The following RPH3A variants were observed in gnomAD, a reference collection of about 807,000 sequenced individuals.
RPH3A encodes rabphilin-3A.
A neutral mutation model predicts 102.2 loss-of-function variants in RPH3A; 48 were observed. The ratio of observed to expected loss-of-function variants is 0.47; its 90% CI spans 0.37 to 0.60. RPH3A has a LOEUF of 0.60. RPH3A is among the 20% of genes least tolerant of loss of function. The pLI, the probability that RPH3A is intolerant of heterozygous loss-of-function variation, is 0.00. For missense variants in RPH3A, 781 were observed against 910.1 expected, an observed-to-expected ratio of 0.86 and a Z score of 1.83; for synonymous variants, 310 against 324.3, an observed-to-expected ratio of 0.96 and a Z score of 0.47.
intron 1 of RPH3A, among the ~76,000 whole-genome samples, chr12:112,595,267 G>A (rs982143719): frequency 2.0e-5 from 3 of 152,182 alleles, no homozygotes; most frequent in African/African-American, 2.4e-5. Context: ...TCGATGAGCA[G>A]CTTAGATATA....
At chr12:112,728,379 A>G (rs978815884) in intron 1 of RPH3A, among the ~76,000 whole-genome samples, 1 of 151,774 alleles carries the variant, frequency 6.6e-6, no homozygotes, top group Non-Finnish European at 1.5e-5. Flanking sequence ...TTTTTTTCCA[A>G]TTCATCCTTT....
At chr12:112,647,322 T>G (rs1290873352) in intron 1 of RPH3A, among the ~76,000 whole-genome samples, 1 of 152,104 alleles carries the variant, frequency 6.6e-6, no homozygotes, top group Admixed American at 6.5e-5. Flanking sequence ...CCTGAGCGAG[T>G]CTCTCTATGC....
chr12:112,765,962 C>T (rs904001847), intron 1 of RPH3A, among the ~76,000 whole-genome samples: 1 of 152,202 alleles, frequency 6.6e-6, no homozygotes, highest in African/African-American at 2.4e-5. Flanking sequence ...ATACTGTCAC[C>T]ATGGACCCTT....
At chr12:112,752,302 G>A (rs2040790474) in intron 1 of RPH3A, among the ~76,000 whole-genome samples, 7 of 152,002 alleles carry the variant, frequency 4.6e-5, no homozygotes, top group Admixed American at 4.6e-4. Context: ...CATAACCTTT[G>A]TTTGTTTCTC....
chr12:112,605,829 G>A (rs966683047), intron 1 of RPH3A, among the ~76,000 whole-genome samples: 1 of 152,198 alleles, frequency 6.6e-6, no homozygotes, highest in African/African-American at 2.4e-5. Flanking sequence ...TGAATATCTG[G>A]GGTTCCCCCT....
intron 1 of RPH3A, among the ~76,000 whole-genome samples, chr12:112,715,414 C>T (rs142447103): frequency 6.6e-6 from 1 of 152,220 alleles, no homozygotes; most frequent in Non-Finnish European, 1.5e-5. Context: ...TTATGTATTG[C>T]CTTTTCCTCT....
intron 14 of RPH3A, 64 bp from the exon 15 acceptor site, chr12:112,881,708 G>A (rs2136247047): frequency 1.6e-6 from 2 of 1,212,964 alleles, no homozygotes; most frequent in Middle Eastern, 2.0e-4. Flanking sequence ...TATGCCCATT[G>A]CCGATGACAG....
intron 1 of RPH3A, among the ~76,000 whole-genome samples, chr12:112,711,961 T>G (rs2040465984): frequency 6.6e-6 from 1 of 152,062 alleles, no homozygotes; most frequent in Admixed American, 6.5e-5. Flanking sequence ...GCCTCCAGAG[T>G]AGCTGGGATT....
At chr12:112,867,078 C>T (rs1301307206) in intron 7 of RPH3A, among the ~76,000 whole-genome samples, 3 of 152,054 alleles carry the variant, frequency 2.0e-5, no homozygotes, top group African/African-American at 7.2e-5. Context: ...CTTTCTTTGA[C>T]CCCATTTCTC....
intron 1 of RPH3A, among the ~76,000 whole-genome samples, chr12:112,664,378 G>A (rs1480349599): frequency 1.3e-5 from 2 of 152,168 alleles, no homozygotes; most frequent in Non-Finnish European, 2.9e-5. Context: ...CCAGAAAGTA[G>A]TTTTTGGTCG....
intron 1 of RPH3A, among the ~76,000 whole-genome samples, chr12:112,663,522 A>T (rs995803873): frequency 1.3e-5 from 2 of 151,872 alleles, no homozygotes; most frequent in African/African-American, 4.8e-5. Flanking sequence ...TAATTTACTT[A>T]TTATTATTAT....
intron 1 of RPH3A, among the ~76,000 whole-genome samples, chr12:112,779,944 T>C (rs1592994958): frequency 2.6e-5 from 4 of 152,080 alleles, no homozygotes; most frequent in Admixed American, 6.5e-5. Flanking sequence ...GAGGCAGTGA[T>C]TGGAGTGAAG....
chr12:112,764,805 G>A (rs1473506368), intron 1 of RPH3A, among the ~76,000 whole-genome samples: 2 of 151,956 alleles, frequency 1.3e-5, no homozygotes, highest in African/African-American at 4.8e-5. Context: ...AGACAATTAT[G>A]GCCTCTTGCT....
chr12:112,870,179 GT>G, intron 10 of RPH3A, 140 bp downstream of exon 10: 1 of 836,922 alleles, frequency 1.2e-6, no homozygotes, highest in Non-Finnish European at 1.8e-6. Flanking sequence ...CCAGATACTG[GT>G]TTTAGTCTAT....
At chr12:112,687,923 C>T (rs754542415) in intron 1 of RPH3A, among the ~76,000 whole-genome samples, 4 of 152,302 alleles carry the variant, frequency 2.6e-5, no homozygotes, top group Admixed American at 1.3e-4. Flanking sequence ...AATATCTACT[C>T]CCTTTATATA....
chr12:112,620,020 T>C (rs1256242940), intron 1 of RPH3A, among the ~76,000 whole-genome samples: 2 of 152,210 alleles, frequency 1.3e-5, no homozygotes, highest in Non-Finnish European at 2.9e-5. Context: ...AAGTAGCAAG[T>C]GAAGTCACCA....
At chr12:112,646,310 G>A (rs1485606916) in intron 1 of RPH3A, among the ~76,000 whole-genome samples, 2 of 152,148 alleles carry the variant, frequency 1.3e-5, no homozygotes, top group African/African-American at 4.8e-5. Flanking sequence ...TCATCTTAAT[G>A]TCAGTAAGTA....
chr12:112,861,164 C>T (rs1481626212), intron 5 of RPH3A, among the ~76,000 whole-genome samples: 1 of 152,206 alleles, frequency 6.6e-6, no homozygotes, highest in Non-Finnish European at 1.5e-5. Context: ...CTCTATGAAA[C>T]CCTCGGGGTA....
chr12:112,619,739 G>A (rs2039708514), intron 1 of RPH3A, among the ~76,000 whole-genome samples: 1 of 152,042 alleles, frequency 6.6e-6, no homozygotes, highest in African/African-American at 2.4e-5. Flanking sequence ...ACATCCTAGT[G>A]AGTATGAAGT....
Sources: gnomAD v4.1 joint callset for allele counts (sites outside exome capture counted in the v4.1 genomes callset) on GRCh38, gnomAD v4.1.1 for gene constraint, MANE v1.5 for transcripts, NCBI Gene and HGNC (gene_info 2026-07-23, HGNC 2026-07-21) for gene names.